Variants in ST18 observed in about 807,000 individuals in gnomAD.
The protein encoded by ST18 is suppression of tumorigenicity 18 protein.
A neutral mutation model predicts 110.0 loss-of-function variants in ST18; 50 were observed. The ratio of observed to expected loss-of-function variants is 0.45; its 90% confidence interval spans 0.36 to 0.58. The LOEUF is 0.58. Ranked by LOEUF, ST18 falls within the 20% of genes least tolerant of loss-of-function variation. The pLI is 0.00. For missense variants in ST18, 1,306 were observed against 1,280.1 expected (o/e 1.02, Z -0.31); for synonymous variants, 461 against 452.4 (o/e 1.02, Z -0.24).
At chr8:52,388,961 A>G (rs1394840453) in intron 2 of ST18, among the ~76,000 whole-genome samples, 8 of 114,008 alleles carry the variant, frequency 7.0e-5, no homozygotes, top group African/African-American at 1.9e-4. Context: ...AACTTAAAGT[A>G]TAATAATAAT....
At chr8:52,361,444 G>T (rs569791186) in intron 2 of ST18, among the ~76,000 whole-genome samples, 1 of 152,310 alleles carries the variant, frequency 6.6e-6, no homozygotes, top group South Asian at 2.1e-4. Flanking sequence ...TGGGAGAAGG[G>T]AGAGAAAGGA....
At chr8:52,121,155 C>T (rs761463254) in intron 23 of ST18, among the ~76,000 whole-genome samples, 1 of 152,094 alleles carries the variant, frequency 6.6e-6, no homozygotes, top group Non-Finnish European at 1.5e-5. Flanking sequence ...GATTATGTTT[C>T]GCTGAGGGCC....
At position 52,171,743 on chromosome 8, in the gene ST18, A is replaced by G. The variant is rs781012420; in HGVS notation, c.1069+49T>C. ...ATAATCAAATCTGACTTTTTTTTCA[A>G]ACCCTAATGCACTTTTATTCCTAAA... On this transcript the variant is annotated intron_variant, in intron 10 of 25. Transcript: ENST00000689386. The G allele has an allele frequency of 1.9e-6, 3 of 1,577,226 alleles. No individual in the cohort carries two copies. The East Asian group carries it at 6.7e-5, about 35-fold the overall frequency.
chr8:52,406,649 T>C (rs1844619139), intron 2 of ST18: 1 of 152,378 alleles, frequency 6.6e-6, no homozygotes, highest in East Asian at 1.9e-4. Flanking sequence ...AACATCCAAG[T>C]GGATCCTTTT....
chr8:52,180,969 A>T (rs908980157), intron 8 of ST18, among the ~76,000 whole-genome samples: 4 of 152,244 alleles, frequency 2.6e-5, no homozygotes, highest in Admixed American at 2.6e-4. Flanking sequence ...GGATTTCACA[A>T]AAATGGACAA....
At chr8:52,321,218 G>C (rs570639342) in intron 2 of ST18, among the ~76,000 whole-genome samples, 1 of 152,154 alleles carries the variant, frequency 6.6e-6, no homozygotes, top group African/African-American at 2.4e-5. Context: ...CTTTTGGAGG[G>C]GACAAGGGGG....
chr8:52,149,682 C>A (rs779214330), intron 16 of ST18, 50 bp downstream of exon 16: 1 of 1,575,544 alleles, frequency 6.3e-7, no homozygotes, highest in South Asian at 1.2e-5. Context: ...CTAGTGATAC[C>A]CTGCAATCAT....
At chr8:52,181,353 C>T (rs113796465) in intron 8 of ST18, among the ~76,000 whole-genome samples, 97 of 152,234 alleles carry the variant, frequency 6.4e-4, no homozygotes, top group African/African-American at 2.1e-3. Flanking sequence ...CAAACATCAA[C>T]GCAAAAGATG....
chr8:52,405,347 A>G (rs960016971), intron 2 of ST18: 2 of 152,346 alleles, frequency 1.3e-5, no homozygotes, highest in African/African-American at 4.8e-5. Context: ...TTTCAGCTTA[A>G]GAAATTCTAA....
chr8:52,116,489 G>A, intron 24 of ST18, 71 bp from the exon 25 acceptor site: 1 of 1,482,086 alleles, frequency 6.7e-7, no homozygotes, highest in African/African-American at 1.4e-5. Context: ...CTCCCTGAAG[G>A]AAAATGCACC....
intron 2 of ST18, among the ~76,000 whole-genome samples, chr8:52,323,280 T>C (rs1804828721): frequency 6.6e-6 from 1 of 152,322 alleles, no homozygotes; most frequent in Middle Eastern, 3.4e-3. Context: ...CTGTTTTTAT[T>C]TGAGGTTCAG....
chr8:52,293,764 T>G (rs936409737), intron 2 of ST18, among the ~76,000 whole-genome samples: 1 of 152,226 alleles, frequency 6.6e-6, no homozygotes. Flanking sequence ...ATGATTATCA[T>G]GCAGACTAAA....
At chr8:52,256,276 A>G (rs2094526885) in intron 2 of ST18, among the ~76,000 whole-genome samples, 1 of 152,234 alleles carries the variant, frequency 6.6e-6, no homozygotes, top group South Asian at 2.1e-4. Flanking sequence ...TGAAGAATAT[A>G]ATTGCCTAGT....
At chr8:52,142,803 G>A in intron 17 of ST18, 127 bp downstream of exon 17, 6 of 671,608 alleles carry the variant, frequency 8.9e-6, no homozygotes, top group Admixed American at 2.6e-5. Flanking sequence ...CGTGTTTAAC[G>A]TTTAACTGCT....
chr8:52,309,602 T>C (rs981353481), intron 2 of ST18, among the ~76,000 whole-genome samples: 2 of 149,242 alleles, frequency 1.3e-5, no homozygotes, highest in Non-Finnish European at 3.0e-5. Context: ...ATGATGAGAC[T>C]AAAATACAGT....
At chr8:52,271,456 A>T (rs141218542) in intron 2 of ST18, among the ~76,000 whole-genome samples, 293 of 152,250 alleles carry the variant, frequency 1.9e-3, no homozygotes, top group African/African-American at 6.6e-3. Flanking sequence ...TATATACTCA[A>T]TACCACCACT....
At chr8:52,166,606 C>T (rs1413142400) in intron 11 of ST18, among the ~76,000 whole-genome samples, 1 of 152,216 alleles carries the variant, frequency 6.6e-6, no homozygotes, top group Non-Finnish European at 1.5e-5. Context: ...CTGGCCCTTC[C>T]TCTGGACACT....
chr8:52,144,503 A>T (rs2056513400), intron 16 of ST18, among the ~76,000 whole-genome samples: 1 of 152,122 alleles, frequency 6.6e-6, no homozygotes, highest in Admixed American at 6.6e-5. Flanking sequence ...TTTTTTCATT[A>T]ATTACTTGGC....
intron 8 of ST18, among the ~76,000 whole-genome samples, chr8:52,185,002 T>C (rs1272476449): frequency 1.3e-5 from 2 of 152,060 alleles, no homozygotes; most frequent in Non-Finnish European, 2.9e-5. Flanking sequence ...GTATGATGAT[T>C]GAAAAAGAAA....
Sources: gnomAD v4.1 joint callset for allele counts (sites outside exome capture counted in the v4.1 genomes callset) on GRCh38, gnomAD v4.1.1 for gene constraint, MANE v1.5 for transcripts, NCBI Gene and HGNC (gene_info 2026-07-23, HGNC 2026-07-21) for gene names.